Variants in LRRC20 observed in about 807,000 individuals in gnomAD.
LRRC20 encodes the protein leucine rich repeat containing 20.
In LRRC20, 11 loss-of-function variants were observed where a neutral mutation model predicts 14.4. The ratio of observed to expected loss-of-function variants is 0.77; its 90% CI spans 0.48 to 1.27. The LOEUF (loss-of-function observed/expected upper bound fraction) is 1.27. LRRC20 is among the 50% of genes most tolerant of loss of function. The pLI is 0.00. For synonymous variants in LRRC20, 121 were observed against 107.3 expected (o/e 1.13, Z -0.79); for missense variants, 219 against 251.2 (o/e 0.87, Z 0.87).
intron 1 of LRRC20, among the ~76,000 whole-genome samples, chr10:70,379,500 C>T (rs1844627878): frequency 6.6e-6 from 1 of 152,226 alleles, no homozygotes. Context: ...TCCAATTCAT[C>T]ATCAATAATC....
intron 4 of LRRC20, among the ~76,000 whole-genome samples, chr10:70,313,582 T>C (rs555911126): frequency 9.2e-5 from 14 of 152,234 alleles, no homozygotes; most frequent in Non-Finnish European, 1.9e-4. Flanking sequence ...TTCTTGAGCA[T>C]AAGCCAAGCT....
At chr10:70,356,441 G>A (rs1843525180) in intron 2 of LRRC20, among the ~76,000 whole-genome samples, 1 of 152,174 alleles carries the variant, frequency 6.6e-6, no homozygotes, top group Admixed American at 6.5e-5. Context: ...GCTTGAGCTT[G>A]GGAGGCAGAG....
At chr10:70,356,588 C>G (rs967118320) in intron 2 of LRRC20, among the ~76,000 whole-genome samples, 2 of 151,962 alleles carry the variant, frequency 1.3e-5, no homozygotes, top group African/African-American at 4.8e-5. Flanking sequence ...CAGAGTAGCT[C>G]ACACCTGTAA....
At chr10:70,362,732 G>T (rs1843787353) in intron 2 of LRRC20, among the ~76,000 whole-genome samples, 2 of 103,916 alleles carry the variant, frequency 1.9e-5, no homozygotes, top group African/African-American at 5.7e-5. Flanking sequence ...CCTCAAGGGG[G>T]GCAGTTTTGC....
At chr10:70,354,453 C>T (rs916110008) in intron 2 of LRRC20, among the ~76,000 whole-genome samples, 1 of 152,188 alleles carries the variant, frequency 6.6e-6, no homozygotes, top group Non-Finnish European at 1.5e-5. Context: ...GCATCAGCAT[C>T]ACCCACAGCA....
At chr10:70,329,313 G>T (rs1455433736) in intron 3 of LRRC20, among the ~76,000 whole-genome samples, 2 of 152,198 alleles carry the variant, frequency 1.3e-5, no homozygotes, top group African/African-American at 4.8e-5. Flanking sequence ...CCAGGGAAAA[G>T]CTATCTTCTT....
At chr10:70,348,970 G>T (rs1481984318) in intron 2 of LRRC20, among the ~76,000 whole-genome samples, 1 of 152,344 alleles carries the variant, frequency 6.6e-6, no homozygotes, top group Middle Eastern at 3.4e-3. Context: ...CGGCACTGCT[G>T]CCAGAGAACA....
At chr10:70,368,533 AC>A (rs959808252) in intron 2 of LRRC20, among the ~76,000 whole-genome samples, 22 of 149,832 alleles carry the variant, frequency 1.5e-4, no homozygotes, top group African/African-American at 5.4e-4. Flanking sequence ...CAAGTGATCT[AC>A]CCACCACAAG....
intron 4 of LRRC20, among the ~76,000 whole-genome samples, chr10:70,304,149 G>C (rs912922622): frequency 1.3e-5 from 2 of 151,872 alleles, no homozygotes; most frequent in Non-Finnish European, 2.9e-5. Flanking sequence ...CCCTCGACGC[G>C]TGCCCTGTGC....
chr10:70,310,923 A>G (rs1473186234), intron 4 of LRRC20, among the ~76,000 whole-genome samples: 1 of 152,238 alleles, frequency 6.6e-6, no homozygotes, highest in African/African-American at 2.4e-5. Context: ...ATTGATGAAC[A>G]AAAGTAAAAT....
At position 70,371,682 on chromosome 10, in the gene LRRC20, T is replaced by A. The variant is rs575964572; in HGVS notation, c.82+4770A>T. On this transcript the variant is annotated intron_variant, in intron 2 of 4. Coordinates refer to ENST00000446961, the MANE Select transcript of LRRC20 (RefSeq NM_001278212.2). ...CCTGGCTCAGGGGAAGCAGACTACC[T>A]AAGGGGCAGTTTGCAACTCTGCATG... Among the ~76,000 whole-genome samples the A allele has an allele frequency of 4.6e-5, 7 of 152,124 alleles. No homozygotes were observed. The South Asian group carries it at 1.0e-3, about 23-fold the overall frequency.
chr10:70,373,696 G>C (rs564055760), intron 2 of LRRC20, among the ~76,000 whole-genome samples: 35 of 152,324 alleles, frequency 2.3e-4, no homozygotes, highest in Middle Eastern at 3.4e-3. Flanking sequence ...ATGGCTAAAG[G>C]CTCTCCCAAC....
chr10:70,336,030 A>T (rs1222438343), intron 3 of LRRC20, among the ~76,000 whole-genome samples: 1 of 152,200 alleles, frequency 6.6e-6, no homozygotes, highest in East Asian at 1.9e-4. Flanking sequence ...CCCCTGCAAG[A>T]TCAGCAAGAT....
At chr10:70,304,112 A>G (rs1192083322) in intron 4 of LRRC20, among the ~76,000 whole-genome samples, 1 of 152,110 alleles carries the variant, frequency 6.6e-6, no homozygotes, top group East Asian at 1.9e-4. Flanking sequence ...AACCTTTAGG[A>G]TCACTCAGAC....
chr10:70,376,784 T>C, intron 1 of LRRC20, 188 bp from the exon 2 acceptor site: 1 of 522,722 alleles, frequency 1.9e-6, no homozygotes, highest in Non-Finnish European at 3.4e-6. Context: ...TTGCACAAGC[T>C]GGTCTGCCAG....
At position 70,317,119 on chromosome 10, in the gene LRRC20, A is replaced by C. The variant is rs564235387; in HGVS notation, c.400+6744T>G. ...AGCCCCAGATCCAGGGGCAGGAGAG[A>C]AGTGCCACAGGTTTGACATTGTCCT... is the stretch of plus-strand genomic sequence containing the variant. On this transcript the variant is annotated intron_variant, in intron 4 of 4. Transcript: ENST00000446961. 4.6e-5 allele frequency among the ~76,000 whole-genome samples: 7 copies of C among 152,280 alleles called. No homozygotes were observed. The South Asian group carries it at 1.5e-3, about 32-fold the overall frequency.
At chr10:70,303,754 G>A (rs923210390) in intron 4 of LRRC20, among the ~76,000 whole-genome samples, 1 of 152,186 alleles carries the variant, frequency 6.6e-6, no homozygotes, top group Admixed American at 6.5e-5. Flanking sequence ...CTAAGCTGAT[G>A]CCCCAGCTTT....
chr10:70,371,515 G>A (rs1202072847), intron 2 of LRRC20, among the ~76,000 whole-genome samples: 2 of 152,040 alleles, frequency 1.3e-5, no homozygotes, highest in Admixed American at 1.3e-4. Flanking sequence ...AGAGCCAGGA[G>A]CCTAAGACCC....
intron 4 of LRRC20, among the ~76,000 whole-genome samples, chr10:70,319,555 T>A (rs144464079): frequency 6.6e-6 from 1 of 152,116 alleles, no homozygotes; most frequent in South Asian, 2.1e-4. Context: ...TAGCTCTCCA[T>A]GGCACATCTG....
Sources: allele counts gnomAD v4.1 joint callset (sites outside exome capture counted in the v4.1 genomes callset), GRCh38; gene constraint gnomAD v4.1.1; transcripts MANE v1.5; gene names NCBI Gene and HGNC (gene_info 2026-07-23, HGNC 2026-07-21).